The following ZNF157 variants were observed in gnomAD, a reference collection of about 807,000 sequenced individuals.
ZNF157 encodes the protein zinc finger protein 22.
Under a neutral mutation model 9.4 loss-of-function variants are expected in ZNF157, and 8 were observed. The ratio of observed to expected loss-of-function variants is 0.85; its 90% CI spans 0.50 to 1.53. ZNF157 has a LOEUF of 1.53. Among genes scored for constraint, ZNF157 ranks in the 40% most tolerant of loss-of-function variants. The probability of loss-of-function intolerance (pLI) is 0.00; values close to 1 mark genes in which losing one functional copy is unlikely to be tolerated. For missense variants in ZNF157, 316 were observed against 385.2 expected, an observed-to-expected ratio of 0.82 and a Z score of 1.50; for synonymous variants, 120 against 130.8, an observed-to-expected ratio of 0.92 and a Z score of 0.56.
intron 1 of ZNF157, among the ~76,000 whole-genome samples, chrX:47,372,166 C>G (rs1441378591): frequency 9.0e-6 from 1 of 110,809 alleles, no homozygotes; most frequent in African/African-American, 3.3e-5. Flanking sequence ...TGACTGATGC[C>G]TGGCAGTCCC....
rs767277741 is a variant in ZNF157 at position 47,412,898 on chromosome X, A to G, written c.825A>G (p.Glu275=). The change falls in exon 4 of 4, where the codon GAA becomes GAG. Residue 275 remains glutamate, a synonymous_variant. Transcript: ENST00000377073. ...QRTHTGEKPY[E]CSECGKTFRV... is the part of the protein sequence containing the mutation. ...CTCACACAGGGGAGAAACCCTATGA[A>G]TGTAGTGAATGTGGGAAAACATTTC... is the stretch of plus-strand genomic sequence containing the variant. The G allele has an allele frequency of 5.0e-5, 60 of 1,211,484 alleles. No individual in the cohort carries two copies. The highest frequency in any genetic ancestry group is 6.6e-5 in the Non-Finnish European group (59 of 895,335).
At chrX:47,384,853 G>C (rs975325799) in intron 1 of ZNF157, among the ~76,000 whole-genome samples, 1 of 112,316 alleles carries the variant, frequency 8.9e-6, no homozygotes, top group African/African-American at 3.2e-5. Context: ...ATGGTGTAAC[G>C]CTCCAATAGG....
intron 1 of ZNF157, among the ~76,000 whole-genome samples, chrX:47,408,452 T>C (rs1181383709): frequency 9.2e-6 from 1 of 108,508 alleles, no homozygotes; most frequent in African/African-American, 3.4e-5. Flanking sequence ...TCTCGCTCTG[T>C]CACACAGGCT....
chrX:47,402,294 T>C (rs1490663199), intron 1 of ZNF157, among the ~76,000 whole-genome samples: 3 of 111,274 alleles, frequency 2.7e-5, no homozygotes, highest in Admixed American at 1.9e-4. Context: ...GTGAATATTT[T>C]ATGTGCACGT....
At chrX:47,383,684 GAAAAAAAAAA>G (rs11324804) in intron 1 of ZNF157, among the ~76,000 whole-genome samples, 1 of 41,584 alleles carries the variant, frequency 2.4e-5, no homozygotes, top group African/African-American at 9.3e-5. Context: ...CTCTGTCTCA[GAAAAAAAAAA>G]AAAAAAAAAA....
At chrX:47,392,080 A>T (rs1385427628) in intron 1 of ZNF157, among the ~76,000 whole-genome samples, 1 of 106,818 alleles carries the variant, frequency 9.4e-6, no homozygotes, top group Admixed American at 1.0e-4. Flanking sequence ...TAGTAGAGAC[A>T]GGGTTTCACC....
At chrX:47,401,500 C>G (rs2055930246) in intron 1 of ZNF157, among the ~76,000 whole-genome samples, 1 of 112,016 alleles carries the variant, frequency 8.9e-6, no homozygotes, top group African/African-American at 3.2e-5. Context: ...GTGGAACATG[C>G]ATCCTGCAAA....
chrX:47,397,241 CTTTTT>C (rs769178786), intron 1 of ZNF157, among the ~76,000 whole-genome samples: 1 of 77,787 alleles, frequency 1.3e-5, no homozygotes, highest in Non-Finnish European at 2.4e-5. Context: ...TTTTTTCTTT[CTTTTT>C]TTTTTTTTTT....
chrX:47,411,527 GTAT>G (rs1398803075), intron 3 of ZNF157, among the ~76,000 whole-genome samples: 4 of 108,141 alleles, frequency 3.7e-5, no homozygotes, highest in Non-Finnish European at 7.6e-5. Flanking sequence ...GCTGATTTTT[GTAT>G]TATTATTATT....
At chrX:47,404,243 G>A (rs1400040473) in intron 1 of ZNF157, among the ~76,000 whole-genome samples, 2 of 107,999 alleles carry the variant, frequency 1.9e-5, no homozygotes, top group Non-Finnish European at 3.8e-5. Context: ...TCGGCTCACT[G>A]CAACCTCCAT....
At chrX:47,402,584 GGCC>G (rs972455517) in intron 1 of ZNF157, among the ~76,000 whole-genome samples, 12 of 101,400 alleles carry the variant, frequency 1.2e-4, no homozygotes, top group Non-Finnish European at 1.4e-4. Flanking sequence ...CTGTCGCCCA[GGCC>G]GGAGTGCAGT....
At position 47,412,968 on chromosome X, in the gene ZNF157, G is replaced by A. The variant is rs773804118; in HGVS notation, c.895G>A (p.Glu299Lys). ...LTQHHRTHTG[E>K]KPYECGECGK... ...CCAACACCACAGAACTCATACAGGG[G>A]AGAAACCTTATGAATGTGGGGAGTG... Residue 299 changes from glutamate (E) to lysine (K), a missense_variant, in exon 4 of 4, where the codon GAG becomes AAG. Physicochemically the swap from Glu to Lys is moderately conservative, Grantham distance 56 (BLOSUM62 1). Transcript: ENST00000377073. 6.4e-5 allele frequency: 77 copies of A among 1,209,687 alleles called. No homozygotes were observed. The highest frequency in any genetic ancestry group is 8.5e-5 in the Non-Finnish European group (76 of 894,889).
At chrX:47,395,746 C>G (rs2055911238) in intron 1 of ZNF157, among the ~76,000 whole-genome samples, 1 of 110,692 alleles carries the variant, frequency 9.0e-6, no homozygotes, top group South Asian at 3.8e-4. Context: ...GGGAGGGTCA[C>G]TTGAGGTCAG....
At chrX:47,375,110 G>A (rs186535497) in intron 1 of ZNF157, among the ~76,000 whole-genome samples, 21 of 86,715 alleles carry the variant, frequency 2.4e-4, no homozygotes, top group African/African-American at 9.4e-4. Flanking sequence ...TCTGCCTCCC[G>A]GGTTCAAGTA....
intron 1 of ZNF157, among the ~76,000 whole-genome samples, chrX:47,386,522 C>T (rs941064871): frequency 3.6e-5 from 4 of 110,070 alleles, no homozygotes; most frequent in African/African-American, 9.9e-5. Flanking sequence ...TGCAGTGGTG[C>T]GATCTCGGCT....
intron 1 of ZNF157, among the ~76,000 whole-genome samples, chrX:47,374,987 C>T (rs763735056): frequency 2.2e-5 from 2 of 90,481 alleles, no homozygotes; most frequent in Non-Finnish European, 4.3e-5. Context: ...GCCCTGAGCC[C>T]GGCTGACAAT....
intron 1 of ZNF157, among the ~76,000 whole-genome samples, chrX:47,376,989 C>T (rs1300097224): frequency 9.0e-6 from 1 of 111,321 alleles, no homozygotes; most frequent in African/African-American, 3.3e-5. Context: ...GTCATGCAGC[C>T]GGAGACTACA....
chrX:47,371,732 C>T (rs1337743677), intron 1 of ZNF157, among the ~76,000 whole-genome samples: 1 of 111,085 alleles, frequency 9.0e-6, no homozygotes, highest in Non-Finnish European at 1.9e-5. Flanking sequence ...CTCAGCCTCC[C>T]GAGTAGCTGG....
intron 1 of ZNF157, among the ~76,000 whole-genome samples, chrX:47,402,453 T>C (rs189997347): frequency 1.7e-4 from 19 of 111,614 alleles, no homozygotes; most frequent in African/African-American, 5.5e-4. Context: ...CATTAGAGAA[T>C]ATTTCTATTT....
Sources: allele counts gnomAD v4.1 joint callset (sites outside exome capture counted in the v4.1 genomes callset), GRCh38; gene constraint gnomAD v4.1.1; transcripts MANE v1.5; gene names NCBI Gene and HGNC (gene_info 2026-07-23, HGNC 2026-07-21).